The following MGAM2 variants were observed in gnomAD, a reference collection of about 807,000 sequenced individuals.
MGAM2 encodes maltase-glucoamylase 2 (putative), also known as probable maltase-glucoamylase 2.
In MGAM2, 98 loss-of-function variants were observed where a neutral mutation model predicts 96.1. The ratio of observed to expected loss-of-function variants is 1.02; its 90% CI spans 0.87 to 1.21. MGAM2 has a LOEUF of 1.21. Among genes scored for constraint, MGAM2 ranks in the 50% most tolerant of loss-of-function variants. MGAM2 has a pLI of 0.00. For synonymous variants in MGAM2, 749 were observed against 414.8 expected, an observed-to-expected ratio of 1.81 and a Z score of -9.79; for missense variants, 2,055 against 1,182.4, an observed-to-expected ratio of 1.74 and a Z score of -10.82.
chr7:142,136,736 A>C (rs1795071288), intron 8 of MGAM2, 96 bp downstream of exon 8: 4 of 554,250 alleles, frequency 7.2e-6, no homozygotes, highest in Non-Finnish European at 1.3e-5. Flanking sequence ...ACTGTTGAAC[A>C]GAAGGCATTT....
chr7:142,221,474 T>G lies in MGAM2; in HGVS notation c.6963T>G (p.Ser2321Arg), dbSNP rs75052477. Residue 2321 changes from serine (S) to arginine (R), a missense_variant, in exon 48 of 48, where the codon AGT (serine) becomes AGG (arginine). Coordinates refer to ENST00000477922, the MANE Select transcript of MGAM2 (RefSeq NM_001293626.2). The stretch of plus-strand genomic sequence containing the variant: ...CTATTTTGAGCATGTTTCCAACAAG[T>G]AATACATTCACTACTGATAAAATTA... ...ITSILSMFPTSNTFTTDKITN... is the reference protein window; with the variant it reads ...ITSILSMFPTRNTFTTDKITN... The G allele has an allele frequency of 2.8e-3, 1,598 of 575,616 alleles. 23 individuals are homozygous for G. The highest frequency in any genetic ancestry group is 0.026 in the African/African-American group (1,392 of 53,690). 35.7% of individuals were successfully genotyped at this position (575,616 alleles called of 1,614,324 possible).
intron 10 of MGAM2, among the ~76,000 whole-genome samples, 178 bp downstream of exon 10, chr7:142,138,845 T>A (rs190724455): frequency 6.6e-6 from 1 of 152,358 alleles, no homozygotes; most frequent in Non-Finnish European, 1.5e-5. Flanking sequence ...ATACTGTTAA[T>A]GAAGCCTGAT....
intron 28 of MGAM2, among the ~76,000 whole-genome samples, 165 bp downstream of exon 28, chr7:142,171,605 CATATATATATATATATAT>C (rs34204853): frequency 0.022 from 1,439 of 64,968 alleles, 48 homozygotes; most frequent in African/African-American, 0.041. Context: ...CCCTAAAAGG[CATATATATATATATATAT>C]ATATATATAT....
rs1795882828 is a variant in MGAM2, at chr7:142,161,337, T to C, written c.2434+124T>C. ...TGTCGTTTACATCTGTAGCTGAGAATCAACGGGTTAAAATCCATTCTGAAA... is the reference window on the plus strand; with the variant it reads ...TGTCGTTTACATCTGTAGCTGAGAACCAACGGGTTAAAATCCATTCTGAAA... On this transcript the variant is annotated intron_variant, in intron 22 of 47. Coordinates refer to ENST00000477922, the MANE Select transcript of MGAM2 (RefSeq NM_001293626.2). 7.6e-6 allele frequency: 4 copies of C among 526,526 alleles called. No homozygotes were observed. In the East Asian group the frequency reaches 9.0e-5, roughly 12 times the overall value. The allele number at this position is 526,526 out of a possible 1,614,324, so 32.6% of individuals were successfully genotyped here.
intron 23 of MGAM2, among the ~76,000 whole-genome samples, chr7:142,162,298 G>A (rs981733493): frequency 6.6e-6 from 1 of 152,102 alleles, no homozygotes; most frequent in South Asian, 2.1e-4. Flanking sequence ...TTTGAGGTTT[G>A]CAAGTGTATA....
intron 8 of MGAM2, 126 bp downstream of exon 8, chr7:142,136,766 T>C (rs1047902405): frequency 7.5e-6 from 4 of 536,734 alleles, no homozygotes; most frequent in African/African-American, 3.8e-5. Context: ...AATACTTTTA[T>C]TGAAACTGGA....
At chr7:142,177,506 C>T (rs999888386) in intron 32 of MGAM2, among the ~76,000 whole-genome samples, 4 of 152,078 alleles carry the variant, frequency 2.6e-5, no homozygotes, top group African/African-American at 9.7e-5. Flanking sequence ...AGTTTTTCAA[C>T]CCTTGCCCCA....
intron 23 of MGAM2, among the ~76,000 whole-genome samples, chr7:142,162,804 T>C (rs1330973075): frequency 6.6e-6 from 1 of 151,808 alleles, no homozygotes; most frequent in Non-Finnish European, 1.5e-5. Flanking sequence ...TTTGCCCAGT[T>C]TCTCCTATGG....
At chr7:142,133,901 T>C in intron 6 of MGAM2, 80 bp from the exon 7 acceptor site, 1 of 608,634 alleles carries the variant, frequency 1.6e-6, no homozygotes, top group South Asian at 1.9e-5. Context: ...TCTAAGTGTA[T>C]GTGGAAAGGA....
In MGAM2 at chr7:142,220,373, T is replaced by C. The variant is rs559017198; in HGVS notation, c.5862T>C (p.Asn1954=). The C allele has an allele frequency of 1.4e-6, 1 of 702,686 alleles. No homozygotes were observed. Among genetic ancestry groups the C allele is most frequent in the South Asian group, 1.5e-5 (1 of 67,580 alleles). 43.5% of individuals were successfully genotyped at this position (702,686 alleles called of 1,614,324 possible). A position where few individuals can be genotyped will look rare whatever the true frequency, so the allele number is the denominator to read the frequency against. ...FATSTIGVTT[N]ATVPDTTAPF... ...CAAGTACTATTGGTGTTACAACTAA[T>C]GCTACTGTTCCCGATACAACTGCCC... Residue 1954 remains asparagine, a synonymous_variant, in exon 48 of 48, where the codon AAT becomes AAC. Transcript: ENST00000477922.
chr7:142,169,955 T>C (rs1796140854), intron 26 of MGAM2, 120 bp from the exon 27 acceptor site: 1 of 549,754 alleles, frequency 1.8e-6, no homozygotes, highest in Non-Finnish European at 3.2e-6. Context: ...TTGGGGATGT[T>C]TGATGCCTAC....
chr7:142,179,390 T>C (rs111626751), intron 32 of MGAM2, among the ~76,000 whole-genome samples: 26 of 152,348 alleles, frequency 1.7e-4, no homozygotes, highest in African/African-American at 5.8e-4. Context: ...CTTTCAGTAC[T>C]ATGTTAAATA....
intron 28 of MGAM2, among the ~76,000 whole-genome samples, chr7:142,171,707 T>TA (rs1796200177): frequency 6.9e-6 from 1 of 144,590 alleles, no homozygotes; most frequent in African/African-American, 2.5e-5. Flanking sequence ...CAGTTATGGA[T>TA]TTTATTTATC....
intron 46 of MGAM2, among the ~76,000 whole-genome samples, chr7:142,213,844 C>G (rs1359343645): frequency 2.0e-5 from 3 of 152,180 alleles, no homozygotes; most frequent in Admixed American, 2.0e-4. Flanking sequence ...ATACCAACAC[C>G]TGGCAGAGAC....
chr7:142,195,235 T>C (rs1330085183), intron 37 of MGAM2, among the ~76,000 whole-genome samples: 1 of 152,030 alleles, frequency 6.6e-6, no homozygotes, highest in Non-Finnish European at 1.5e-5. Context: ...GGTCTCAATG[T>C]GTTGCCTAGG....
chr7:142,162,732 T>C (rs1795925332), intron 23 of MGAM2, among the ~76,000 whole-genome samples: 1 of 151,734 alleles, frequency 6.6e-6, no homozygotes, highest in Non-Finnish European at 1.5e-5. Context: ...ACTCTTTTAT[T>C]TTGAGATAAT....
chr7:142,218,346 A>G lies in MGAM2; in HGVS notation c.5188-15A>G. On this transcript the variant is annotated splice_polypyrimidine_tract_variant and intron_variant, in intron 46 of 47. Transcript: ENST00000477922. ...ATATGTTATGTATTCTTTTCTCTTTATAAATTCTTTATAGAACATCCTGCA... is the reference window on the plus strand; with the variant it reads ...ATATGTTATGTATTCTTTTCTCTTTGTAAATTCTTTATAGAACATCCTGCA... 1 of 667,674 alleles carries G rather than the reference A, an allele frequency of 1.5e-6. No individual in the cohort carries two copies. Among genetic ancestry groups the G allele is most frequent in the Admixed American group, 2.2e-5 (1 of 44,926 alleles). The allele number at this position is 667,674 out of a possible 1,614,324, so 41.4% of individuals were successfully genotyped here.
At chr7:142,115,003 G>C (rs1014471323) in intron 1 of MGAM2, among the ~76,000 whole-genome samples, 1 of 151,836 alleles carries the variant, frequency 6.6e-6, no homozygotes, top group Non-Finnish European at 1.5e-5. Flanking sequence ...ATCATTTAAG[G>C]TCAGGAGTTC....
chr7:142,158,879 A>G (rs1294389556), intron 19 of MGAM2, among the ~76,000 whole-genome samples: 1 of 152,108 alleles, frequency 6.6e-6, no homozygotes, highest in Admixed American at 6.6e-5. Context: ...TAAACATGAA[A>G]TATTGCCAGT....
Sources: gnomAD v4.1 joint callset for allele counts (sites outside exome capture counted in the v4.1 genomes callset) on GRCh38, gnomAD v4.1.1 for gene constraint, MANE v1.5 for transcripts, NCBI Gene and HGNC (gene_info 2026-07-23, HGNC 2026-07-21) for gene names.